Variants in TRAPPC9 observed in about 807,000 individuals in gnomAD.
TRAPPC9 encodes trafficking protein particle complex subunit 9.
TRAPPC9 carries 83 observed loss-of-function variants against 124.0 expected under a neutral mutation model. The observed-to-expected ratio is 0.67, with a 90% CI of 0.56 to 0.80. The LOEUF is 0.80. TRAPPC9 is among the 30% of genes least tolerant of loss of function. TRAPPC9 has a pLI of 0.00. For missense variants in TRAPPC9, 1,302 were observed against 1,508.3 expected (o/e 0.86, Z 2.27); for synonymous variants, 638 against 617.5 (o/e 1.03, Z -0.49).
At chr8:140,158,693 T>C (rs952042503) in intron 17 of TRAPPC9, among the ~76,000 whole-genome samples, 1 of 152,226 alleles carries the variant, frequency 6.6e-6, no homozygotes, top group Admixed American at 6.5e-5. Flanking sequence ...CTTCCCATTC[T>C]AGTCCTGCAA....
chr8:139,893,106 G>T (rs943742876), intron 20 of TRAPPC9, among the ~76,000 whole-genome samples: 1 of 152,194 alleles, frequency 6.6e-6, no homozygotes, highest in Non-Finnish European at 1.5e-5. Flanking sequence ...AAACCAAGAC[G>T]TGCCGTGTTT....
intron 17 of TRAPPC9, among the ~76,000 whole-genome samples, chr8:140,175,551 A>T (rs1026475775): frequency 1.3e-5 from 2 of 152,186 alleles, no homozygotes; most frequent in African/African-American, 4.8e-5. Flanking sequence ...TCCAGAGTAA[A>T]CTCTACTTGC....
intron 17 of TRAPPC9, chr8:140,099,626 C>T (rs2078543318): frequency 6.6e-6 from 1 of 151,854 alleles, no homozygotes; most frequent in Non-Finnish European, 1.5e-5. Flanking sequence ...GGTACTGACC[C>T]CCGCCCGGGT....
intron 9 of TRAPPC9, among the ~76,000 whole-genome samples, chr8:140,334,448 G>A (rs986296941): frequency 1.3e-5 from 2 of 152,022 alleles, no homozygotes; most frequent in African/African-American, 2.4e-5. Context: ...TCAGGAGTTC[G>A]ACACTAGCCT....
At chr8:140,276,522 T>C (rs925046029) in intron 14 of TRAPPC9, among the ~76,000 whole-genome samples, 33 of 152,194 alleles carry the variant, frequency 2.2e-4, no homozygotes, top group Admixed American at 1.1e-3. Context: ...CCGAGGCTCC[T>C]GCACTCAAGC....
At chr8:139,829,853 G>T (rs895883314) in intron 21 of TRAPPC9, among the ~76,000 whole-genome samples, 1 of 152,198 alleles carries the variant, frequency 6.6e-6, no homozygotes, top group Non-Finnish European at 1.5e-5. Flanking sequence ...GCTCACAGAG[G>T]TCAATGGCTG....
At chr8:139,893,826 C>T (rs779140126) in intron 20 of TRAPPC9, among the ~76,000 whole-genome samples, 32 of 152,214 alleles carry the variant, frequency 2.1e-4, no homozygotes, top group Non-Finnish European at 3.2e-4. Flanking sequence ...GACCGAGCCT[C>T]GGGAAGGTCA....
chr8:140,423,986 AG>A (rs1221691801), intron 5 of TRAPPC9, among the ~76,000 whole-genome samples: 2 of 152,208 alleles, frequency 1.3e-5, no homozygotes, highest in East Asian at 3.8e-4. Context: ...ACATAGGCAA[AG>A]GAGAGTGACT....
chr8:139,761,014 T>C (rs1459903194), intron 21 of TRAPPC9, among the ~76,000 whole-genome samples: 1 of 152,238 alleles, frequency 6.6e-6, no homozygotes, highest in African/African-American at 2.4e-5. Context: ...CCTGACTTGG[T>C]TGCTTAGCCT....
chr8:140,340,756 T>G (rs999071673), intron 9 of TRAPPC9, among the ~76,000 whole-genome samples: 5 of 152,212 alleles, frequency 3.3e-5, no homozygotes, highest in African/African-American at 1.2e-4. Flanking sequence ...TTCCTACACA[T>G]GCAGTAGCCC....
intron 19 of TRAPPC9, among the ~76,000 whole-genome samples, chr8:139,940,968 C>G (rs570756623): frequency 1.3e-5 from 2 of 152,228 alleles, no homozygotes; most frequent in African/African-American, 4.8e-5. Flanking sequence ...CGGGCACCCA[C>G]AGCAGCCTAT....
intron 7 of TRAPPC9, among the ~76,000 whole-genome samples, chr8:140,381,849 T>C (rs982227207): frequency 6.6e-6 from 1 of 152,170 alleles, no homozygotes; most frequent in Non-Finnish European, 1.5e-5. Flanking sequence ...CTTCAGACAT[T>C]GCTGGTAGAA....
At chr8:140,197,021 T>A in intron 17 of TRAPPC9, among the ~76,000 whole-genome samples, 1 of 152,148 alleles carries the variant, frequency 6.6e-6, no homozygotes, top group South Asian at 2.1e-4. Context: ...AGGAACAGAG[T>A]AACACTCGGT....
intron 21 of TRAPPC9, among the ~76,000 whole-genome samples, chr8:139,736,658 G>A (rs1339433203): frequency 6.6e-6 from 1 of 151,960 alleles, no homozygotes; most frequent in Non-Finnish European, 1.5e-5. Context: ...AAATGTGGTG[G>A]AAACGGGTCT....
intron 17 of TRAPPC9, among the ~76,000 whole-genome samples, chr8:140,110,096 G>C (rs537047818): frequency 2.7e-4 from 41 of 152,044 alleles, no homozygotes; most frequent in Admixed American, 2.0e-3. Context: ...ACAGTGGAGA[G>C]TAGGGCCGCA....
At chr8:139,791,758 C>T (rs755466472) in intron 21 of TRAPPC9, among the ~76,000 whole-genome samples, 70 of 152,258 alleles carry the variant, frequency 4.6e-4, no homozygotes, top group Non-Finnish European at 8.7e-4. Flanking sequence ...GCTCTGTCCT[C>T]GCCCAGCTGG....
chr8:140,121,010 T>C (rs1429131064), intron 17 of TRAPPC9, among the ~76,000 whole-genome samples: 4 of 152,216 alleles, frequency 2.6e-5, no homozygotes, highest in Non-Finnish European at 4.4e-5. Context: ...ACAAATACTG[T>C]GGAAGTTTCT....
intron 21 of TRAPPC9, among the ~76,000 whole-genome samples, chr8:139,849,589 T>C (rs1295808186): frequency 1.3e-5 from 2 of 152,244 alleles, no homozygotes; most frequent in African/African-American, 2.4e-5. Flanking sequence ...TGTTCCAGGT[T>C]ATAGATCAGA....
At chr8:140,308,161 C>G (rs10086735) in intron 10 of TRAPPC9, among the ~76,000 whole-genome samples, 50,297 of 151,574 alleles carry the variant, frequency 0.33, 8,816 homozygotes, top group Middle Eastern at 0.44. Flanking sequence ...ACAAAACCGG[C>G]CACACATTTG....
Sources: gnomAD v4.1 joint callset for allele counts (sites outside exome capture counted in the v4.1 genomes callset) on GRCh38, gnomAD v4.1.1 for gene constraint, MANE v1.5 for transcripts, NCBI Gene and HGNC (gene_info 2026-07-23, HGNC 2026-07-21) for gene names.